The following CASR variants were observed in gnomAD, a reference collection of about 807,000 sequenced individuals.
CASR encodes calcium sensing receptor.
In CASR, 23 loss-of-function variants were observed where a neutral mutation model predicts 69.1. The observed-to-expected ratio is 0.33, with a 90% CI of 0.24 to 0.47. The LOEUF (loss-of-function observed/expected upper bound fraction) is 0.47. Ranked by LOEUF, CASR falls within the 20% of genes least tolerant of loss-of-function variation. The probability of loss-of-function intolerance (pLI) is 1.00; values close to 1 mark genes in which losing one functional copy is unlikely to be tolerated. For missense variants in CASR, 924 were observed against 1,356.1 expected (o/e 0.68, Z 5.00); for synonymous variants, 541 against 544.7 (o/e 0.99, Z 0.10).
chr3:122,220,890 C>T (rs1278973287), intron 1 of CASR, among the ~76,000 whole-genome samples: 1 of 152,152 alleles, frequency 6.6e-6, no homozygotes, highest in Non-Finnish European at 1.5e-5. Context: ...AGGAAAATCA[C>T]TTGAACCCAG....
intron 4 of CASR, among the ~76,000 whole-genome samples, chr3:122,265,237 A>T (rs555382544): frequency 2.6e-5 from 4 of 152,370 alleles, no homozygotes; most frequent in African/African-American, 9.6e-5. Context: ...ATTGACTGAA[A>T]TAGACACTTA....
At chr3:122,203,711 A>G (rs1487880835) in intron 1 of CASR, among the ~76,000 whole-genome samples, 1 of 152,192 alleles carries the variant, frequency 6.6e-6, no homozygotes, top group Admixed American at 6.5e-5. Flanking sequence ...AGACTTTATA[A>G]ACACTGTACA....
intron 1 of CASR, chr3:122,184,145 G>A (rs2073749809): frequency 6.6e-6 from 1 of 152,250 alleles, no homozygotes; most frequent in South Asian, 2.1e-4. Flanking sequence ...AGCTCTCTGC[G>A]GGCTAAGGAG....
chr3:122,285,032 C>A lies in CASR; in HGVS notation c.3078C>A (p.Thr1026=), dbSNP rs771319302. The A allele has an allele frequency of 6.2e-7, 1 of 1,614,192 alleles. No individual in the cohort carries two copies. Among genetic ancestry groups the A allele is most frequent in the East Asian group, 2.2e-5 (1 of 44,888 alleles). The change falls in exon 7 of 7, where the codon ACC becomes ACA. Residue 1026 remains threonine (T), a synonymous_variant. Transcript: ENST00000639785. ...GCGGGGAAACGGACTTAGATCTGACCGTCCAGGAAACAGGTCTGCAAGGAC... is the reference window on the plus strand; with the variant it reads ...GCGGGGAAACGGACTTAGATCTGACAGTCCAGGAAACAGGTCTGCAAGGAC... ...LQCGETDLDL[T]VQETGLQGPV...
intron 1 of CASR, among the ~76,000 whole-genome samples, chr3:122,188,263 A>G (rs2073806163): frequency 1.3e-5 from 2 of 152,216 alleles, no homozygotes; most frequent in Non-Finnish European, 2.9e-5. Flanking sequence ...CCATGGAGAA[A>G]ACTAGCTAAA....
chr3:122,269,261 T>A (rs574704700), intron 4 of CASR, among the ~76,000 whole-genome samples: 2 of 152,366 alleles, frequency 1.3e-5, no homozygotes, highest in South Asian at 4.1e-4. Context: ...CCCAGTATAA[T>A]CTTGTATAGA....
At chr3:122,212,200 C>T (rs1283242550) in intron 1 of CASR, among the ~76,000 whole-genome samples, 2 of 152,136 alleles carry the variant, frequency 1.3e-5, no homozygotes, top group African/African-American at 2.4e-5. Flanking sequence ...AAATGTGGTA[C>T]ATATACACCA....
At chr3:122,274,990 G>A (rs11715859) in intron 4 of CASR, among the ~76,000 whole-genome samples, 11,460 of 152,222 alleles carry the variant, frequency 0.075, 571 homozygotes, top group Middle Eastern at 0.16. Flanking sequence ...AATTAAGAGC[G>A]CAGGATTGTG....
intron 1 of CASR, among the ~76,000 whole-genome samples, chr3:122,232,646 A>T (rs1199645473): frequency 6.6e-6 from 1 of 152,160 alleles, no homozygotes; most frequent in Admixed American, 6.5e-5. Flanking sequence ...GCCAGGTGGG[A>T]TGCTAACTGG....
intron 1 of CASR, among the ~76,000 whole-genome samples, chr3:122,198,968 C>T (rs988845149): frequency 1.3e-5 from 2 of 152,128 alleles, no homozygotes; most frequent in East Asian, 1.9e-4. Flanking sequence ...GCTCTTTCCT[C>T]CAGAGAAGTA....
intron 1 of CASR, among the ~76,000 whole-genome samples, chr3:122,188,061 A>T (rs1427316638): frequency 6.6e-6 from 1 of 152,188 alleles, no homozygotes; most frequent in Non-Finnish European, 1.5e-5. Context: ...TTCATTATTT[A>T]TTCTAGGGCA....
chr3:122,271,264 C>T (rs934561754), intron 4 of CASR, among the ~76,000 whole-genome samples: 1 of 152,176 alleles, frequency 6.6e-6, no homozygotes, highest in Non-Finnish European at 1.5e-5. Context: ...CTACAAACCA[C>T]TGGAGATACA....
In CASR at chr3:122,289,120, T is replaced by A. The variant is rs1330071406; in HGVS notation, c.*3929T>A. On this transcript the variant is annotated 3_prime_UTR_variant, in exon 7 of 7. Transcript: ENST00000639785. ...TGAAATCACATAGCTACGGGCTGGT[T>A]CTGCCCAGCCAGAGCTTCCCTTTGC... is the stretch of plus-strand genomic sequence containing the variant. The A allele has an allele frequency of 6.6e-6, 1 of 152,252 alleles. No homozygotes were observed. The highest frequency in any genetic ancestry group is 2.4e-5 in the African/African-American group (1 of 41,466). The allele number at this position is 152,252 out of a possible 1,614,324, so 9.4% of individuals were successfully genotyped here. A position where few individuals can be genotyped will look rare whatever the true frequency, so the allele number is the denominator to read the frequency against.
chr3:122,193,309 T>C (rs1189985078), intron 1 of CASR, among the ~76,000 whole-genome samples: 1 of 151,940 alleles, frequency 6.6e-6, no homozygotes, highest in Non-Finnish European at 1.5e-5. Flanking sequence ...CTCCACCTCC[T>C]GGGTTCAAGC....
At chr3:122,210,374 G>A (rs2074051405) in intron 1 of CASR, among the ~76,000 whole-genome samples, 1 of 152,090 alleles carries the variant, frequency 6.6e-6, no homozygotes, top group South Asian at 2.1e-4. Context: ...AAGCTGATAA[G>A]CAACTTCAGC....
At chr3:122,202,237 C>T (rs144020044) in intron 1 of CASR, among the ~76,000 whole-genome samples, 28,461 of 152,230 alleles carry the variant, frequency 0.19, 3,818 homozygotes, top group African/African-American at 0.37. Flanking sequence ...GCCAACACAG[C>T]GAAACCCCGT....
chr3:122,257,624 CTG>C (rs34247226), intron 3 of CASR: 53,411 of 457,248 alleles, frequency 0.12, 3,930 homozygotes, highest in Middle Eastern at 0.25. Context: ...TTGCATAAAA[CTG>C]TGTCTTTTTT....
chr3:122,208,333 C>A (rs924599331), intron 1 of CASR, among the ~76,000 whole-genome samples: 2 of 152,080 alleles, frequency 1.3e-5, no homozygotes, highest in African/African-American at 4.8e-5. Context: ...CCACACCCAG[C>A]CTAAATTTTC....
chr3:122,186,093 CAG>C (rs34968500), intron 1 of CASR, among the ~76,000 whole-genome samples: 26,102 of 151,742 alleles, frequency 0.17, 2,316 homozygotes, highest in African/African-American at 0.2. Context: ...TATGATAAAA[CAG>C]AGTGGTTGAA....
Sources: gnomAD v4.1 joint callset for allele counts (sites outside exome capture counted in the v4.1 genomes callset) on GRCh38, gnomAD v4.1.1 for gene constraint, MANE v1.5 for transcripts, NCBI Gene and HGNC (gene_info 2026-07-23, HGNC 2026-07-21) for gene names.